EYS: variants seen among roughly 807,000 people sequenced by gnomAD.
EYS encodes the protein EGF-like photoreceptor maintenance factor.
Under a neutral mutation model 282.1 loss-of-function variants are expected in EYS, and 250 were observed. The observed-to-expected ratio is 0.89, with a 90% CI of 0.80 to 0.98. The LOEUF (loss-of-function observed/expected upper bound fraction) is 0.98, where lower values mean the gene tolerates loss of function less well. Among genes scored for constraint, EYS ranks in the 50% least tolerant of loss-of-function variants. The pLI, the probability that EYS is intolerant of heterozygous loss-of-function variation, is 0.00. For synonymous variants in EYS, 1,355 were observed against 1,282.9 expected (o/e 1.06, Z -1.20); for missense variants, 4,016 against 3,709.0 (o/e 1.08, Z -2.15).
At chr6:65,082,065 T>C (rs745318498) in intron 12 of EYS, among the ~76,000 whole-genome samples, 3 of 152,128 alleles carry the variant, frequency 2.0e-5, no homozygotes, top group Non-Finnish European at 4.4e-5. Flanking sequence ...TCATTAATAA[T>C]GTATTACAGT....
intron 36 of EYS, among the ~76,000 whole-genome samples, chr6:63,848,716 C>T (rs1019787989): frequency 2.0e-5 from 3 of 152,170 alleles, no homozygotes; most frequent in Non-Finnish European, 4.4e-5. Context: ...CAGGTGCCTA[C>T]ATCACCAGGG....
chr6:63,788,076 G>A (rs551500287), intron 39 of EYS, 29 bp downstream of exon 39: 4 of 1,474,590 alleles, frequency 2.7e-6, no homozygotes, highest in Non-Finnish European at 2.7e-6. Flanking sequence ...AAATAAGTAG[G>A]TATAATATAA....
rs1767696688 is a variant in EYS at position 64,902,415 on chromosome 6, G to C, written c.2727C>G (p.Val909=). ...TAAGTTTTCTGTACCTGAAATTGTT[G>C]ACCATATCTTCACAGTCACCATAAT... ...CQDYGDCEDM[V]NNFRCICRPG... Residue 909 remains valine (V), a synonymous_variant, in exon 17 of 43, where the codon GTC becomes GTG. Transcript: ENST00000503581. 1.3e-6 allele frequency: 2 copies of C among 1,537,918 alleles called. No individual in the cohort carries two copies. The highest frequency in any genetic ancestry group is 2.8e-5 in the African/African-American group (2 of 72,036).
chr6:64,198,479 C>T (rs1299735453), intron 31 of EYS, among the ~76,000 whole-genome samples: 1 of 151,988 alleles, frequency 6.6e-6, no homozygotes, highest in Non-Finnish European at 1.5e-5. Context: ...CTCCCCTGGC[C>T]CCCCACTCCC....
chr6:65,539,659 C>A (rs1001569583), intron 2 of EYS, among the ~76,000 whole-genome samples: 3 of 152,080 alleles, frequency 2.0e-5, no homozygotes, highest in African/African-American at 7.2e-5. Context: ...TGACATAAAA[C>A]AAATGTTTGA....
chr6:63,891,552 A>G (rs1257062476), intron 35 of EYS, among the ~76,000 whole-genome samples: 3 of 152,230 alleles, frequency 2.0e-5, no homozygotes, highest in Non-Finnish European at 4.4e-5. Flanking sequence ...CATGCTAAAA[A>G]CACTCAATAA....
intron 12 of EYS, among the ~76,000 whole-genome samples, chr6:65,230,392 T>C (rs1450551338): frequency 6.6e-6 from 1 of 151,914 alleles, no homozygotes; most frequent in Non-Finnish European, 1.5e-5. Context: ...GTCAATGTGT[T>C]AATACAATTA....
chr6:64,812,154 T>C (rs1051105583), intron 22 of EYS, among the ~76,000 whole-genome samples: 1 of 152,006 alleles, frequency 6.6e-6, no homozygotes, highest in African/African-American at 2.4e-5. Context: ...ATAAAAAACA[T>C]GTTTACTATA....
intron 26 of EYS, among the ~76,000 whole-genome samples, chr6:64,463,134 C>A (rs1226527768): frequency 6.6e-6 from 1 of 151,504 alleles, no homozygotes; most frequent in Non-Finnish European, 1.5e-5. Flanking sequence ...GATTTTTTTA[C>A]TAGAGATGGG....
chr6:64,922,108 C>A (rs1398283751), intron 15 of EYS, among the ~76,000 whole-genome samples: 4 of 152,296 alleles, frequency 2.6e-5, no homozygotes, highest in South Asian at 4.1e-4. Context: ...GGAAAATCAG[C>A]AGTCCTGTTG....
intron 35 of EYS, among the ~76,000 whole-genome samples, chr6:63,948,489 C>T (rs1370013139): frequency 6.6e-6 from 1 of 152,204 alleles, no homozygotes; most frequent in Non-Finnish European, 1.5e-5. Context: ...TGGTGACAAA[C>T]ACCACAAGGG....
chr6:64,470,801 C>G (rs1343252514), intron 26 of EYS, among the ~76,000 whole-genome samples: 1 of 151,886 alleles, frequency 6.6e-6, no homozygotes, highest in Non-Finnish European at 1.5e-5. Flanking sequence ...AAAAGGAATA[C>G]ATAAGAATAA....
intron 28 of EYS, among the ~76,000 whole-genome samples, chr6:64,431,981 G>A (rs2150460459): frequency 6.6e-6 from 1 of 152,170 alleles, no homozygotes. Context: ...TAAATCATAT[G>A]CCCTTTTTCA....
intron 27 of EYS, among the ~76,000 whole-genome samples, chr6:64,437,701 T>G (rs1473050901): frequency 6.6e-6 from 1 of 151,276 alleles, no homozygotes; most frequent in Non-Finnish European, 1.5e-5. Flanking sequence ...GAATTATACC[T>G]GGGACATAAT....
chr6:63,997,841 A>C (rs1005769945), intron 34 of EYS, among the ~76,000 whole-genome samples: 1 of 152,218 alleles, frequency 6.6e-6, no homozygotes, highest in Non-Finnish European at 1.5e-5. Context: ...TGCTATTCAT[A>C]AGAAAATACA....
intron 19 of EYS, among the ~76,000 whole-genome samples, chr6:64,880,111 T>C (rs958385359): frequency 6.6e-5 from 10 of 151,984 alleles, no homozygotes; most frequent in African/African-American, 1.7e-4. Flanking sequence ...CTGTTAAGCA[T>C]AGTCATTGCT....
At chr6:65,135,023 G>A (rs1439778174) in intron 12 of EYS, among the ~76,000 whole-genome samples, 1 of 152,022 alleles carries the variant, frequency 6.6e-6, no homozygotes, top group Non-Finnish European at 1.5e-5. Flanking sequence ...GATTAGAGAT[G>A]ATTTAGGTTG....
At position 65,645,472 on chromosome 6, in the gene EYS, G is replaced by A. The variant is rs919923212; in HGVS notation, c.-447-5580C>T. Reference sequence around the variant, plus strand: ...TAAAGTGAAGATGGATATTAAAAACGTTTTGAACTGAATAATAGTGACACA... The same window carrying A: ...TAAAGTGAAGATGGATATTAAAAACATTTTGAACTGAATAATAGTGACACA... On this transcript the variant is annotated intron_variant, in intron 1 of 42. Coordinates refer to ENST00000503581, the MANE Select transcript of EYS (RefSeq NM_001142800.2). 3.3e-5 allele frequency among the ~76,000 whole-genome samples: 5 copies of A among 152,000 alleles called. No homozygotes were observed. In the South Asian group the frequency reaches 6.2e-4, roughly 19 times the overall value.
At chr6:64,441,394 A>G (rs965598593) in intron 26 of EYS, among the ~76,000 whole-genome samples, 3 of 152,206 alleles carry the variant, frequency 2.0e-5, no homozygotes, top group South Asian at 4.1e-4. Flanking sequence ...AGAGCTTTCA[A>G]TTGCAATTTT....
Sources: gnomAD v4.1 joint callset for allele counts (sites outside exome capture counted in the v4.1 genomes callset) on GRCh38, gnomAD v4.1.1 for gene constraint, MANE v1.5 for transcripts, NCBI Gene and HGNC (gene_info 2026-07-23, HGNC 2026-07-21) for gene names.